The following SEMA6A variants were observed in gnomAD, a reference collection of about 807,000 sequenced individuals.
SEMA6A encodes the protein semaphorin 6A, also known as semaphorin-6A.
Under a neutral mutation model 96.8 loss-of-function variants are expected in SEMA6A, and 25 were observed. That is an observed-to-expected ratio of 0.26 (90% CI 0.19 to 0.36). SEMA6A has a LOEUF of 0.36. Ranked by LOEUF, SEMA6A falls within the 10% of genes least tolerant of loss-of-function variation. The pLI, the probability that SEMA6A is intolerant of heterozygous loss-of-function variation, is 1.00. For synonymous variants in SEMA6A, 612 were observed against 518.0 expected (o/e 1.18, Z -2.46); for missense variants, 1,363 against 1,323.1 (o/e 1.03, Z -0.47).
At position 116,447,281 on chromosome 5, in the gene SEMA6A, G is replaced by C; in HGVS notation, c.2425C>G (p.Pro809Ala). The change falls in exon 19 of 19, where the codon CCC becomes GCC. Residue 809 changes from proline to alanine, a missense_variant. By Grantham distance (27) the Pro-to-Ala change is conservative. Transcript: ENST00000343348. ...ACCACCACGCTGGGGATGTGGCTGGGGGAGGCCCGCAGGGGCAGGTCCGTG... is the reference window on the plus strand; with the variant it reads ...ACCACCACGCTGGGGATGTGGCTGGCGGAGGCCCGCAGGGGCAGGTCCGTG... ...IPTDLPLRAS[P>A]SHIPSVVVLP... 6.2e-7 allele frequency: 1 copy of C among 1,613,874 alleles called. No individual in the cohort carries two copies. Among genetic ancestry groups the C allele is most frequent in the Non-Finnish European group, 8.5e-7 (1 of 1,179,908 alleles).
At chr5:116,564,203 T>C (rs1382256089) in intron 1 of SEMA6A, among the ~76,000 whole-genome samples, 1 of 152,232 alleles carries the variant, frequency 6.6e-6, no homozygotes, top group African/African-American at 2.4e-5. Flanking sequence ...AGGCTGGATC[T>C]GGAGAAATTT....
intron 15 of SEMA6A, among the ~76,000 whole-genome samples, chr5:116,477,540 C>T (rs1158754607): frequency 6.6e-6 from 1 of 152,214 alleles, no homozygotes; most frequent in Non-Finnish European, 1.5e-5. Context: ...CTCTGCTTTT[C>T]TCCCACCATG....
At chr5:116,521,521 G>A (rs910132862) in intron 1 of SEMA6A, among the ~76,000 whole-genome samples, 1 of 152,180 alleles carries the variant, frequency 6.6e-6, no homozygotes, top group Admixed American at 6.5e-5. Flanking sequence ...GTCATGGGTG[G>A]GGACACTGGC....
chr5:116,447,698 C>G lies in SEMA6A; in HGVS notation c.2008G>C (p.Val670Leu). The G allele has an allele frequency of 6.2e-7, 1 of 1,613,998 alleles. No homozygotes were observed. The highest frequency in any genetic ancestry group is 2.2e-5 in the East Asian group (1 of 44,872). Reference protein sequence around the residue: ...VMGAVFSGITVYCVCDHRRKD... With the variant: ...VMGAVFSGITLYCVCDHRRKD... ...CGCCGATGATCACAGACGCAGTAGA[C>G]GGTGATGCCCGAGAAGACGGCCCCC... is the stretch of plus-strand genomic sequence containing the variant. Residue 670 changes from valine to leucine, a missense_variant, in exon 19 of 19, where the codon GTC becomes CTC. Val to Leu is a conservative substitution (Grantham distance 32, BLOSUM62 1). Around this residue, in one of 2 missense-constraint regions of SEMA6A, gnomAD observed 883 missense variants for 763.6 expected, o/e 1.16. Transcript: ENST00000343348.
intron 18 of SEMA6A, 90 bp from the exon 19 acceptor site, chr5:116,447,901 G>A (rs139130681): frequency 0.023 from 24,237 of 1,070,928 alleles, 366 homozygotes; most frequent in Non-Finnish European, 0.028. Flanking sequence ...ATTAATAACA[G>A]TAGTAAGTGA....
rs1414552843 is a variant in SEMA6A at position 116,446,341 on chromosome 5, GAA to G, written c.*270_*271del. 1.0e-4 allele frequency: 35 copies of G among 350,368 alleles called. No individual in the cohort carries two copies. The highest frequency in any genetic ancestry group is 1.4e-4 in the Non-Finnish European group (27 of 193,652). 21.7% of individuals were successfully genotyped at this position (350,368 alleles called of 1,614,324 possible). A position where few individuals can be genotyped will look rare whatever the true frequency, so the allele number is the denominator to read the frequency against. Reference sequence around the variant, plus strand: ...TTGGCTCATGTTTGTGATGATAACTGAAGTCTTTTGTGGGTCCGACCTGTTGT... The same window carrying G: ...TTGGCTCATGTTTGTGATGATAACTGGTCTTTTGTGGGTCCGACCTGTTGT... On this transcript the variant is annotated 3_prime_UTR_variant, in exon 19 of 19. Transcript: ENST00000343348.
At chr5:116,452,711 T>C (rs1184307883) in intron 18 of SEMA6A, among the ~76,000 whole-genome samples, 1 of 152,230 alleles carries the variant, frequency 6.6e-6, no homozygotes, top group Non-Finnish European at 1.5e-5. Context: ...TCATGGATAC[T>C]ATTCCGTGCA....
At chr5:116,530,496 C>T (rs1377645835) in intron 1 of SEMA6A, among the ~76,000 whole-genome samples, 21 of 152,040 alleles carry the variant, frequency 1.4e-4, no homozygotes, top group Admixed American at 1.4e-3. Context: ...CTGTTCCATA[C>T]CGTATTAAGA....
intron 18 of SEMA6A, among the ~76,000 whole-genome samples, chr5:116,455,285 G>T (rs1754940658): frequency 6.6e-6 from 1 of 152,170 alleles, no homozygotes; most frequent in Non-Finnish European, 1.5e-5. Context: ...GTCATGATAA[G>T]ATAATTTTTA....
intron 1 of SEMA6A, among the ~76,000 whole-genome samples, chr5:116,554,245 T>G (rs186772364): frequency 1.1e-3 from 161 of 152,288 alleles, no homozygotes; most frequent in Admixed American, 2.9e-3. Flanking sequence ...TGTTCCCAAC[T>G]TGCAAAATTC....
intron 18 of SEMA6A, among the ~76,000 whole-genome samples, chr5:116,464,777 A>G (rs1238081110): frequency 6.6e-6 from 1 of 152,134 alleles, no homozygotes; most frequent in East Asian, 1.9e-4. Context: ...CAGCAAACAT[A>G]CTCTGGAAAT....
In SEMA6A at chr5:116,491,717, C is replaced by T. The variant is rs2287687; in HGVS notation, c.535+23G>A. 13,930 of 1,595,032 alleles carry T rather than the reference C, an allele frequency of 8.7e-3. 529 individuals are homozygous for T. The Admixed American group carries it at 0.092, about 11-fold the overall frequency. The stretch of plus-strand genomic sequence containing the variant: ...ATGAAACAAGCAAAAGCAAGTGCAA[C>T]GAGGAGAAATCAGGTCGCTTACCTG... On this transcript the variant is annotated intron_variant, in intron 7 of 18. Coordinates refer to ENST00000343348, the MANE Select transcript of SEMA6A (RefSeq NM_020796.5).
intron 3 of SEMA6A, among the ~76,000 whole-genome samples, chr5:116,501,871 A>G (rs1757898931): frequency 6.6e-6 from 1 of 152,210 alleles, no homozygotes; most frequent in African/African-American, 2.4e-5. Flanking sequence ...TGGGCAACAA[A>G]GAACGAAAAC....
rs1234012070 is a variant in SEMA6A, at chr5:116,574,459, G to T, written c.-313C>A. The T allele has an allele frequency of 6.6e-6, 1 of 151,932 alleles. No homozygotes were observed. Among genetic ancestry groups the T allele is most frequent in the Non-Finnish European group, 1.5e-5 (1 of 67,962 alleles). The allele number at this position is 151,932 out of a possible 1,614,324, so 9.4% of individuals were successfully genotyped here. On this transcript the variant is annotated 5_prime_UTR_variant, in exon 1 of 19. Coordinates refer to ENST00000343348, the MANE Select transcript of SEMA6A (RefSeq NM_020796.5). ...AAGCCAAAAAAAAAAAGAAGAAAAA[G>T]AAAAAGAAAACCAACAAGGAAGAGG... is the stretch of plus-strand genomic sequence containing the variant.
At position 116,478,101 on chromosome 5, in the gene SEMA6A, C is replaced by G. The variant is rs1323241638; in HGVS notation, c.1481G>C (p.Arg494Thr). ...CGCAACATACAGAGAGCTGCTTGCTCTGTCCAGCTGCATGCCCATGATCCT... is the reference window on the plus strand; with the variant it reads ...CGCAACATACAGAGAGCTGCTTGCTGTGTCCAGCTGCATGCCCATGATCCT... ...DKRIMGMQLD[R>T]ASSSLYVAFS... Residue 494 changes from arginine (R) to threonine (T), a missense_variant, in exon 14 of 19, where the codon AGA becomes ACA. Arg to Thr is a moderately conservative substitution (Grantham distance 71). This residue lies in a region of SEMA6A where 883 missense variants were observed against 763.6 expected (regional missense o/e 1.16). Coordinates refer to ENST00000343348, the MANE Select transcript of SEMA6A (RefSeq NM_020796.5). The G allele has an allele frequency of 3.7e-6, 6 of 1,613,970 alleles. No homozygotes were observed. The South Asian group carries it at 5.5e-5, about 15-fold the overall frequency.
intron 1 of SEMA6A, among the ~76,000 whole-genome samples, chr5:116,546,389 T>A (rs1216319609): frequency 2.0e-5 from 3 of 152,218 alleles, no homozygotes; most frequent in Non-Finnish European, 2.9e-5. Context: ...AAAAGTCTGC[T>A]CCTTCTTTTC....
At chr5:116,507,615 A>G (rs187006451) in intron 1 of SEMA6A, among the ~76,000 whole-genome samples, 2 of 152,340 alleles carry the variant, frequency 1.3e-5, no homozygotes, top group Admixed American at 1.3e-4. Context: ...CACATGTAGC[A>G]TATTTATAGG....
intron 8 of SEMA6A, 78 bp downstream of exon 8, chr5:116,488,810 T>C: frequency 7.1e-7 from 1 of 1,414,716 alleles, no homozygotes; most frequent in Non-Finnish European, 9.4e-7. Context: ...TACAGTCTGG[T>C]CCCTCCAGAC....
chr5:116,508,317 T>G (rs550770938), intron 1 of SEMA6A: 34 of 152,340 alleles, frequency 2.2e-4, no homozygotes, highest in African/African-American at 8.2e-4. Flanking sequence ...ACCCTTGATG[T>G]ACAGCGGGTC....
Sources: allele counts gnomAD v4.1 joint callset (sites outside exome capture counted in the v4.1 genomes callset), GRCh38; gene constraint gnomAD v4.1.1; regional missense constraint gnomAD v4.1.1; transcripts MANE v1.5; gene names NCBI Gene and HGNC (gene_info 2026-07-23, HGNC 2026-07-21).